The following DCP1A variants were observed in gnomAD, a reference collection of about 807,000 sequenced individuals.
DCP1A encodes decapping mRNA 1A.
Under a neutral mutation model 58.0 loss-of-function variants are expected in DCP1A, and 20 were observed. The ratio of observed to expected loss-of-function variants is 0.34; its 90% CI spans 0.24 to 0.50. The LOEUF (loss-of-function observed/expected upper bound fraction) is 0.50, where lower values mean the gene tolerates loss of function less well. Ranked by LOEUF, DCP1A falls within the 20% of genes least tolerant of loss-of-function variation. The probability of loss-of-function intolerance (pLI) is 0.98; values close to 1 mark genes in which losing one functional copy is unlikely to be tolerated. For missense variants in DCP1A, 613 were observed against 712.2 expected, an observed-to-expected ratio of 0.86 and a Z score of 1.59; for synonymous variants, 285 against 275.1, an observed-to-expected ratio of 1.04 and a Z score of -0.36.
intron 6 of DCP1A, 22 bp from the exon 7 acceptor site, chr3:53,292,849 C>G: frequency 6.3e-7 from 1 of 1,585,452 alleles, no homozygotes; most frequent in Non-Finnish European, 8.5e-7. Flanking sequence ...ATGAAACCAC[C>G]CAGTCAAAGA....
chr3:53,321,199 G>C (rs1553689905), intron 3 of DCP1A, among the ~76,000 whole-genome samples: 1 of 152,218 alleles, frequency 6.6e-6, no homozygotes, highest in East Asian at 1.9e-4. Flanking sequence ...CCAGTTCTGG[G>C]TTCCTGACCA....
At chr3:53,319,626 C>T (rs563226241) in intron 3 of DCP1A, among the ~76,000 whole-genome samples, 153 bp from the exon 4 acceptor site, 17 of 152,164 alleles carry the variant, frequency 1.1e-4, no homozygotes, top group African/African-American at 3.9e-4. Flanking sequence ...GTATCTCCTC[C>T]CCAAATTCTG....
chr3:53,327,818 AAAAC>A (rs1428552651), intron 3 of DCP1A, among the ~76,000 whole-genome samples: 4 of 146,898 alleles, frequency 2.7e-5, no homozygotes, highest in Middle Eastern at 3.9e-3. Context: ...CAACAACAAA[AAAAC>A]AACAACAACA....
intron 1 of DCP1A, 109 bp from the exon 2 acceptor site, chr3:53,345,051 C>G: frequency 1.1e-6 from 1 of 874,370 alleles, no homozygotes; most frequent in Non-Finnish European, 1.8e-6. Flanking sequence ...TTCATTTCAT[C>G]TATTATAAAA....
rs782166285 is a variant in DCP1A, at chr3:53,292,251, T to C, written c.1201A>G (p.Thr401Ala). Residue 401 changes from threonine (T) to alanine (A), a missense_variant, in exon 7 of 10, where the codon ACC becomes GCC. Thr to Ala is a moderately conservative substitution (Grantham distance 58). Coordinates refer to ENST00000610213, the MANE Select transcript of DCP1A (RefSeq NM_018403.7). ...GTCTGTATTTGGTCATGCTGTGGGG[T>C]CAACCTGAGTTTCTGGAGAAGATCA... ...SVDLLQKLRL[T>A]PQHDQIQTQP... is the part of the protein sequence containing the mutation. 6.2e-6 allele frequency: 10 copies of C among 1,613,820 alleles called. No individual in the cohort carries two copies. Among genetic ancestry groups the C allele is most frequent in the Admixed American group, 1.7e-5 (1 of 59,984 alleles).
At chr3:53,319,531 A>T (rs1356825594) in intron 3 of DCP1A, 58 bp from the exon 4 acceptor site, 1 of 1,042,106 alleles carries the variant, frequency 9.6e-7, no homozygotes, top group African/African-American at 1.6e-5. Context: ...ATTTGGGTGT[A>T]TGTAAATAAT....
intron 1 of DCP1A, among the ~76,000 whole-genome samples, chr3:53,346,128 A>G (rs902417828): frequency 7.9e-5 from 12 of 152,188 alleles, no homozygotes; most frequent in Non-Finnish European, 2.9e-5. Context: ...TCGGCAATCC[A>G]TATTTCAAAA....
chr3:53,312,159 C>T, intron 5 of DCP1A, 82 bp downstream of exon 5: 3 of 1,436,692 alleles, frequency 2.1e-6, no homozygotes, highest in Non-Finnish European at 2.8e-6. Context: ...GGCCAGCTTC[C>T]CTAGTAAAAT....
intron 3 of DCP1A, among the ~76,000 whole-genome samples, chr3:53,327,437 A>T (rs891834750): frequency 2.0e-5 from 3 of 152,206 alleles, no homozygotes; most frequent in Non-Finnish European, 4.4e-5. Context: ...GGATGTATAA[A>T]ATATGGTAAT....
chr3:53,297,035 T>C (rs1030637596), intron 6 of DCP1A, among the ~76,000 whole-genome samples: 1 of 152,190 alleles, frequency 6.6e-6, no homozygotes, highest in Non-Finnish European at 1.5e-5. Context: ...TATACAGCAG[T>C]ATATGAGGTA....
At position 53,292,588 on chromosome 3, in the gene DCP1A, G is replaced by C. The variant is rs1457855828; in HGVS notation, c.864C>G (p.Ile288Met). Residue 288 changes from isoleucine to methionine, a missense_variant, in exon 7 of 10, where the codon ATC (isoleucine) becomes ATG (methionine). Ile to Met is a conservative substitution (Grantham distance 10, BLOSUM62 1). Around this residue, in one of 3 missense-constraint regions of DCP1A, gnomAD observed 498 missense variants for 556.7 expected, o/e 0.89. Coordinates refer to ENST00000610213, the MANE Select transcript of DCP1A (RefSeq NM_018403.7). ...SAAHHSVQPE[I>M]TTPVLITPAS... ...CTGGAGTGATTAGCACCGGGGTGGT[G>C]ATTTCAGGCTGGACTGAATGGTGGG... is the stretch of plus-strand genomic sequence containing the variant. The C allele has an allele frequency of 1.2e-6, 2 of 1,613,888 alleles. No individual in the cohort carries two copies. The highest frequency in any genetic ancestry group is 1.7e-6 in the Non-Finnish European group (2 of 1,179,852).
At chr3:53,325,381 A>C (rs1414695247) in intron 3 of DCP1A, among the ~76,000 whole-genome samples, 1 of 152,178 alleles carries the variant, frequency 6.6e-6, no homozygotes, top group Non-Finnish European at 1.5e-5. Flanking sequence ...AGGAGGCTGG[A>C]GATTTTCTCA....
At chr3:53,308,261 AAAT>A (rs1162345099) in intron 5 of DCP1A, among the ~76,000 whole-genome samples, 2 of 152,208 alleles carry the variant, frequency 1.3e-5, no homozygotes, top group African/African-American at 4.8e-5. Flanking sequence ...ATAATAAGAA[AAAT>A]AATGGTGTTC....
chr3:53,296,748 A>T (rs1245706292), intron 6 of DCP1A, among the ~76,000 whole-genome samples: 1 of 152,238 alleles, frequency 6.6e-6, no homozygotes, highest in Non-Finnish European at 1.5e-5. Context: ...ATGCATGTAT[A>T]TATGACATTT....
intron 3 of DCP1A, among the ~76,000 whole-genome samples, chr3:53,324,363 C>T (rs1281061788): frequency 6.6e-6 from 1 of 152,202 alleles, no homozygotes; most frequent in Non-Finnish European, 1.5e-5. Flanking sequence ...AGGGAGCTGC[C>T]ACGGAGCCTG....
chr3:53,340,707 T>G (rs533534991), intron 3 of DCP1A, among the ~76,000 whole-genome samples: 1 of 152,190 alleles, frequency 6.6e-6, no homozygotes, highest in African/African-American at 2.4e-5. Context: ...CATATCCCTA[T>G]AGTCAATGTC....
intron 4 of DCP1A, among the ~76,000 whole-genome samples, chr3:53,315,648 T>C (rs1707780515): frequency 6.6e-6 from 1 of 150,462 alleles, no homozygotes; most frequent in African/African-American, 2.4e-5. Flanking sequence ...GACCAGAGAA[T>C]ATACAAATTT....
chr3:53,332,004 G>A (rs782107716), intron 3 of DCP1A, among the ~76,000 whole-genome samples: 1 of 152,238 alleles, frequency 6.6e-6, no homozygotes, highest in Admixed American at 6.5e-5. Flanking sequence ...CAACCTAATA[G>A]TGAGGTATGT....
chr3:53,347,482 G>C lies in DCP1A; in HGVS notation c.36C>G (p.Ser12Arg). ...EALSRAGQEM[S>R]LAALKQHDPY... Reference sequence around the variant, plus strand: ...GGTCGTGTTGCTTCAGGGCCGCTAGGCTCATCTCCTGCCCAGCTCGACTCA... The same window carrying C: ...GGTCGTGTTGCTTCAGGGCCGCTAGCCTCATCTCCTGCCCAGCTCGACTCA... Residue 12 changes from serine (S) to arginine (R), a missense_variant, in exon 1 of 10, where the codon AGC (serine) becomes AGG (arginine). Transcript: ENST00000610213. 6.2e-7 allele frequency: 1 copy of C among 1,613,430 alleles called. No individual in the cohort carries two copies.
Sources: gnomAD v4.1 joint callset for allele counts (sites outside exome capture counted in the v4.1 genomes callset) on GRCh38, gnomAD v4.1.1 for gene constraint, gnomAD v4.1.1 regional missense constraint, MANE v1.5 for transcripts, NCBI Gene and HGNC (gene_info 2026-07-23, HGNC 2026-07-21) for gene names.